Variants in NTM observed in about 807,000 individuals in gnomAD.
NTM encodes the protein IgLON family member 2.
In NTM, 13 loss-of-function variants were observed where a neutral mutation model predicts 42.1. That is an observed-to-expected ratio of 0.31 (90% CI 0.20 to 0.49). The LOEUF is 0.49. Among genes scored for constraint, NTM ranks in the 20% least tolerant of loss-of-function variants. The probability of loss-of-function intolerance (pLI) is 0.99; values close to 1 mark genes in which losing one functional copy is unlikely to be tolerated. For synonymous variants in NTM, 187 were observed against 179.2 expected, an observed-to-expected ratio of 1.04 and a Z score of -0.35; for missense variants, 373 against 452.8, an observed-to-expected ratio of 0.82 and a Z score of 1.60.
intron 1 of NTM, 148 bp downstream of exon 1, chr11:131,371,036 T>C (rs1207124358): frequency 4.1e-6 from 6 of 1,466,804 alleles, no homozygotes; most frequent in Admixed American, 2.6e-5. Context: ...GACTTCATTC[T>C]CCCGACTAGG....
At chr11:131,918,313 C>T (rs747559773) in intron 2 of NTM, among the ~76,000 whole-genome samples, 2 of 152,170 alleles carry the variant, frequency 1.3e-5, no homozygotes, top group Non-Finnish European at 2.9e-5. Context: ...ATTTAGCTGA[C>T]ATTTATCACC....
chr11:132,064,178 A>G (rs182252762), intron 2 of NTM, among the ~76,000 whole-genome samples: 3 of 152,216 alleles, frequency 2.0e-5, no homozygotes, highest in Non-Finnish European at 1.5e-5. Context: ...TGGGTTGCAC[A>G]CTCTCTTTAA....
At chr11:131,874,673 T>G (rs2048319275) in intron 1 of NTM, among the ~76,000 whole-genome samples, 4 of 152,224 alleles carry the variant, frequency 2.6e-5, no homozygotes, top group Admixed American at 6.5e-5. Context: ...TCTCTATTCC[T>G]TCTAAAACTG....
chr11:132,175,892 T>C (rs2076737470), intron 3 of NTM, among the ~76,000 whole-genome samples: 2 of 152,210 alleles, frequency 1.3e-5, no homozygotes, highest in Admixed American at 1.3e-4. Context: ...TCCTTATTTG[T>C]ATCATGGCTG....
chr11:131,560,966 C>T (rs911211551), intron 1 of NTM, among the ~76,000 whole-genome samples: 15 of 152,198 alleles, frequency 9.9e-5, no homozygotes, highest in Non-Finnish European at 1.6e-4. Flanking sequence ...CGGCTACCTA[C>T]ACATAGGGCA....
chr11:132,084,431 T>C (rs1243474258), intron 2 of NTM, among the ~76,000 whole-genome samples: 2 of 152,174 alleles, frequency 1.3e-5, no homozygotes, highest in African/African-American at 4.8e-5. Context: ...TAAACACATT[T>C]TGTTAATTCT....
rs111683901 is a variant in NTM at position 131,438,831 on chromosome 11, G to C, written c.82+67943G>C. Among the ~76,000 whole-genome samples, 439 of 152,344 alleles carry C rather than the reference G, an allele frequency of 2.9e-3. 9 individuals carry two copies. Among genetic ancestry groups the C allele is most frequent in the Admixed American group, 0.026 (394 of 15,300 alleles). On this transcript the variant is annotated intron_variant, in intron 1 of 8. Coordinates refer to ENST00000683400, the MANE Select transcript of NTM (RefSeq NM_001352005.2). ...CATCCAGCTTTGTTCCATTGCTGGA[G>C]AGGAACTGCAGTCCTTTGGAGGAGA...
At chr11:131,951,553 A>T (rs1426385647) in intron 2 of NTM, among the ~76,000 whole-genome samples, 1 of 152,064 alleles carries the variant, frequency 6.6e-6, no homozygotes, top group Non-Finnish European at 1.5e-5. Flanking sequence ...ATAGGGGGAA[A>T]ATCCTGATGA....
chr11:132,100,615 G>C (rs755923193), intron 2 of NTM, among the ~76,000 whole-genome samples: 1 of 152,112 alleles, frequency 6.6e-6, no homozygotes, highest in Non-Finnish European at 1.5e-5. Flanking sequence ...AAACTTACTC[G>C]AATGGCCATA....
At chr11:132,094,738 CAGAG>C (rs893193513) in intron 2 of NTM, among the ~76,000 whole-genome samples, 3 of 151,938 alleles carry the variant, frequency 2.0e-5, no homozygotes, top group South Asian at 2.1e-4. Flanking sequence ...TGGAAACAAC[CAGAG>C]AGAGAGAACA....
intron 1 of NTM, among the ~76,000 whole-genome samples, chr11:131,755,309 G>C (rs1426602710): frequency 1.3e-5 from 2 of 152,140 alleles, no homozygotes; most frequent in African/African-American, 4.8e-5. Context: ...TCTTGGCCTA[G>C]CAGGAATCCC....
chr11:131,583,346 T>A (rs1318759993), intron 1 of NTM, among the ~76,000 whole-genome samples: 1 of 152,230 alleles, frequency 6.6e-6, no homozygotes, highest in Non-Finnish European at 1.5e-5. Flanking sequence ...ATCTAGTTCT[T>A]TAGCTCTTGT....
intron 3 of NTM, among the ~76,000 whole-genome samples, chr11:132,201,474 C>A (rs1250674887): frequency 6.6e-6 from 1 of 152,126 alleles, no homozygotes; most frequent in Non-Finnish European, 1.5e-5. Flanking sequence ...CGAGGCCTTG[C>A]GGTTGAGCCT....
chr11:131,449,745 T>C (rs1421813665), intron 1 of NTM, among the ~76,000 whole-genome samples: 1 of 152,140 alleles, frequency 6.6e-6, no homozygotes, highest in Non-Finnish European at 1.5e-5. Flanking sequence ...GCTGATCCTG[T>C]CCTCCCCATG....
intron 1 of NTM, among the ~76,000 whole-genome samples, chr11:131,789,466 GAAGAAGAAGAAGAAGAAGAAGAAGAGGA>G (rs1565550055): frequency 7.4e-5 from 1 of 13,586 alleles, no homozygotes; most frequent in East Asian, 1.6e-3. Context: ...AGAAGAAGAA[GAAGAAGAAGAAGAAGAAGAAGAAGAGGA>G]AAGAAGAAGA....
chr11:131,430,761 G>T (rs1373972341), intron 1 of NTM, among the ~76,000 whole-genome samples: 1 of 152,244 alleles, frequency 6.6e-6, no homozygotes, highest in Non-Finnish European at 1.5e-5. Context: ...CATGGGCCTT[G>T]CCTGTTTTCC....
intron 2 of NTM, among the ~76,000 whole-genome samples, chr11:132,111,211 G>A (rs1017037366): frequency 2.0e-5 from 3 of 150,126 alleles, no homozygotes. Context: ...GAAGTCCCCA[G>A]AAATTTATGT....
At chr11:132,079,767 C>A (rs1458348239) in intron 2 of NTM, among the ~76,000 whole-genome samples, 1 of 152,102 alleles carries the variant, frequency 6.6e-6, no homozygotes, top group African/African-American at 2.4e-5. Flanking sequence ...TGAAGTAGGA[C>A]CTTGCTCTCT....
In NTM at chr11:131,632,673, C is replaced by CTTTTTTTTTTTTTTTT. The variant is rs529612626; in HGVS notation, c.82+261789_82+261804dup. ...TTTCATCTTGGTCATGCTCGGGCAG[C>CTTTTTTTTTTTTTTTT]TTTTTTTTTTTTTTTTTTTGAGACG... On this transcript the variant is annotated intron_variant, in intron 1 of 8. Coordinates refer to ENST00000683400, the MANE Select transcript of NTM (RefSeq NM_001352005.2). Among the ~76,000 whole-genome samples, 4 of 83,060 alleles carry CTTTTTTTTTTTTTTTT rather than the reference C, an allele frequency of 4.8e-5. 1 individual carries two copies. The highest frequency in any genetic ancestry group is 9.9e-5 in the African/African-American group (2 of 20,110). 54.5% of individuals were successfully genotyped at this position (83,060 alleles called of 152,430 possible).
Sources: gnomAD v4.1 joint callset for allele counts (sites outside exome capture counted in the v4.1 genomes callset) on GRCh38, gnomAD v4.1.1 for gene constraint, MANE v1.5 for transcripts, NCBI Gene and HGNC (gene_info 2026-07-23, HGNC 2026-07-21) for gene names.